Variants in MARCHF11 observed in about 807,000 individuals in gnomAD.
MARCHF11 encodes the protein membrane associated ring-CH-type finger 11.
A neutral mutation model predicts 37.3 loss-of-function variants in MARCHF11; 29 were observed. The observed-to-expected ratio is 0.78, with a 90% CI of 0.58 to 1.06. MARCHF11 has a LOEUF of 1.06. Ranked by LOEUF, MARCHF11 falls within the 50% of genes least tolerant of loss-of-function variation. The pLI is 0.00. For synonymous variants in MARCHF11, 233 were observed against 228.0 expected (o/e 1.02, Z -0.20); for missense variants, 482 against 533.4 (o/e 0.90, Z 0.95).
At chr5:16,074,879 C>G (rs570569296) in intron 3 of MARCHF11, among the ~76,000 whole-genome samples, 7 of 152,176 alleles carry the variant, frequency 4.6e-5, no homozygotes, top group African/African-American at 7.2e-5. Context: ...CAGGAGCACA[C>G]ACAAGAAAAT....
At chr5:16,086,641 C>T (rs1579679062) in intron 3 of MARCHF11, among the ~76,000 whole-genome samples, 1 of 152,278 alleles carries the variant, frequency 6.6e-6, no homozygotes, top group South Asian at 2.1e-4. Context: ...TGGTTTGCTG[C>T]TTCTATTAAC....
intron 1 of MARCHF11, 114 bp downstream of exon 1, chr5:16,178,925 G>A (rs1394741476): frequency 2.2e-5 from 27 of 1,243,246 alleles, no homozygotes; most frequent in Non-Finnish European, 2.6e-5. Context: ...AGAACCAGAC[G>A]AGCCTCACTG....
At chr5:16,069,025 G>A (rs1185885668) in intron 3 of MARCHF11, among the ~76,000 whole-genome samples, 1 of 152,180 alleles carries the variant, frequency 6.6e-6, no homozygotes, top group African/African-American at 2.4e-5. Context: ...AAGGAAGTAA[G>A]TTAAAAAATG....
chr5:16,163,264 C>G (rs141630887), intron 2 of MARCHF11, among the ~76,000 whole-genome samples: 1 of 151,408 alleles, frequency 6.6e-6, no homozygotes, highest in South Asian at 2.1e-4. Flanking sequence ...CAGGTGGTGG[C>G]GGAAGGAGAA....
chr5:16,077,188 T>C (rs1243349951), intron 3 of MARCHF11, among the ~76,000 whole-genome samples: 1 of 152,170 alleles, frequency 6.6e-6, no homozygotes, highest in Non-Finnish European at 1.5e-5. Context: ...TTGGTAGATT[T>C]CCATTTGTTT....
At chr5:16,173,956 A>T (rs1738314470) in intron 2 of MARCHF11, among the ~76,000 whole-genome samples, 1 of 152,332 alleles carries the variant, frequency 6.6e-6, no homozygotes. Flanking sequence ...AACAGATATT[A>T]CCTTCCATTT....
intron 2 of MARCHF11, among the ~76,000 whole-genome samples, chr5:16,153,907 C>T (rs756222836): frequency 1.9e-4 from 29 of 151,826 alleles, no homozygotes; most frequent in Non-Finnish European, 4.0e-4. Flanking sequence ...TGTGCCTTCC[C>T]CTCTTTTTCC....
intron 2 of MARCHF11, among the ~76,000 whole-genome samples, chr5:16,111,073 CA>C (rs1286094676): frequency 1.3e-5 from 2 of 152,152 alleles, no homozygotes; most frequent in Non-Finnish European, 2.9e-5. Flanking sequence ...ACCGTGAGTC[CA>C]TTAAACCTCT....
At chr5:16,101,008 T>C (rs1736945442) in intron 2 of MARCHF11, among the ~76,000 whole-genome samples, 1 of 152,124 alleles carries the variant, frequency 6.6e-6, no homozygotes, top group Non-Finnish European at 1.5e-5. Context: ...CTTGCAAGTA[T>C]TAATTTGCCG....
At chr5:16,169,341 G>A (rs920471430) in intron 2 of MARCHF11, among the ~76,000 whole-genome samples, 1 of 151,698 alleles carries the variant, frequency 6.6e-6, no homozygotes, top group South Asian at 2.1e-4. Context: ...GAAAAGAGAA[G>A]AAAAACTAAA....
chr5:16,116,102 T>C (rs2126573778), intron 2 of MARCHF11, among the ~76,000 whole-genome samples: 1 of 152,308 alleles, frequency 6.6e-6, no homozygotes, highest in African/African-American at 2.4e-5. Flanking sequence ...CACCAGAAGA[T>C]ACACTGCAGG....
rs937495010 is a variant in MARCHF11 at position 16,105,499 on chromosome 5, T to G, written c.694-14418A>C. Among the ~76,000 whole-genome samples the G allele has an allele frequency of 2.6e-5, 4 of 152,296 alleles. 1 individual carries two copies. The South Asian group carries it at 8.3e-4, about 32-fold the overall frequency. ...AAAGAGATCTTCCCCTTGCTTAAACTTTAGGGCAATCATTCATATTTTGAT... is the reference window on the plus strand; with the variant it reads ...AAAGAGATCTTCCCCTTGCTTAAACGTTAGGGCAATCATTCATATTTTGAT... On this transcript the variant is annotated intron_variant, in intron 2 of 3. Coordinates refer to ENST00000332432, the MANE Select transcript of MARCHF11 (RefSeq NM_001102562.3).
intron 2 of MARCHF11, among the ~76,000 whole-genome samples, chr5:16,174,901 G>A (rs1417571032): frequency 2.0e-5 from 3 of 152,328 alleles, no homozygotes; most frequent in African/African-American, 7.2e-5. Flanking sequence ...AATCTGAGTT[G>A]GGCCTCTGTC....
At chr5:16,165,937 C>A (rs1051478108) in intron 2 of MARCHF11, among the ~76,000 whole-genome samples, 4 of 151,962 alleles carry the variant, frequency 2.6e-5, no homozygotes, top group African/African-American at 9.7e-5. Flanking sequence ...ATTTGGGAGG[C>A]GAGAATTCTA....
At chr5:16,153,340 T>C (rs1251521110) in intron 2 of MARCHF11, among the ~76,000 whole-genome samples, 1 of 151,812 alleles carries the variant, frequency 6.6e-6, no homozygotes, top group Admixed American at 6.6e-5. Context: ...GGACAACTGG[T>C]TTGGCAGGAT....
At chr5:16,101,400 T>G (rs1191741801) in intron 2 of MARCHF11, among the ~76,000 whole-genome samples, 1 of 152,224 alleles carries the variant, frequency 6.6e-6, no homozygotes, top group Non-Finnish European at 1.5e-5. Context: ...TTTTAGCTTT[T>G]CAGTTTTCAA....
intron 2 of MARCHF11, among the ~76,000 whole-genome samples, chr5:16,159,044 T>C (rs952606494): frequency 2.0e-5 from 3 of 151,926 alleles, no homozygotes; most frequent in African/African-American, 7.2e-5. Flanking sequence ...TTCCACAGTG[T>C]ATGCATATTC....
At chr5:16,160,447 T>G (rs2126604033) in intron 2 of MARCHF11, among the ~76,000 whole-genome samples, 1 of 147,774 alleles carries the variant, frequency 6.8e-6, no homozygotes, top group African/African-American at 2.5e-5. Flanking sequence ...AAAATATCTT[T>G]TATATTTTAG....
chr5:16,121,363 G>A (rs1737306702), intron 2 of MARCHF11, among the ~76,000 whole-genome samples: 1 of 152,144 alleles, frequency 6.6e-6, no homozygotes, highest in Non-Finnish European at 1.5e-5. Flanking sequence ...TGAGAGCCAG[G>A]ACTTTCTTTC....
Sources: gnomAD v4.1 joint callset for allele counts (sites outside exome capture counted in the v4.1 genomes callset) on GRCh38, gnomAD v4.1.1 for gene constraint, MANE v1.5 for transcripts, NCBI Gene and HGNC (gene_info 2026-07-23, HGNC 2026-07-21) for gene names.